The following SEZ6 variants were observed in gnomAD, a reference collection of about 807,000 sequenced individuals.
The protein encoded by SEZ6 is seizure related 6 homolog.
A neutral mutation model predicts 101.0 loss-of-function variants in SEZ6; 53 were observed. The ratio of observed to expected loss-of-function variants is 0.52; its 90% CI spans 0.42 to 0.66. The LOEUF is 0.66. SEZ6 is among the 30% of genes least tolerant of loss of function. The pLI is 0.00. For synonymous variants in SEZ6, 488 were observed against 512.2 expected (o/e 0.95, Z 0.64); for missense variants, 1,102 against 1,289.4 (o/e 0.85, Z 2.23).
At chr17:29,006,167 C>T (rs1475314407), upstream of SEZ6, 2 of 245,252 alleles carry the variant, frequency 8.2e-6, no homozygotes, top group African/African-American at 4.6e-5. Flanking sequence ...CCCGCTCCAC[C>T]GCGACTGCCC....
chr17:29,005,594 C>A lies in SEZ6; in HGVS notation c.55+221G>T, dbSNP rs2041677338. On this transcript the variant is annotated intron_variant, in intron 1 of 16. Coordinates refer to ENST00000317338, the MANE Select transcript of SEZ6 (RefSeq NM_178860.5). This position sits in a 1 kb window ranked among gnomAD's most constrained non-coding sequence, Gnocchi z 4.8. ...TTAGATCTGGGGAGATGATTAAAGA[C>A]GAGGTCTCGGCCGGGCGCGAATGGC... 6.6e-6 allele frequency among the ~76,000 whole-genome samples: 1 copy of A among 151,924 alleles called. No individual in the cohort carries two copies. The highest frequency in any genetic ancestry group is 1.5e-5 in the Non-Finnish European group (1 of 67,954).
chr17:28,956,076 T>G (rs2040873152), intron 16 of SEZ6, 82 bp from the exon 17 acceptor site: 1 of 1,597,148 alleles, frequency 6.3e-7, no homozygotes, highest in Non-Finnish European at 8.6e-7. Flanking sequence ...TGAGAGGGCT[T>G]GGCAGGACCC....
At chr17:28,958,618 G>A (rs767664792) in intron 10 of SEZ6, among the ~76,000 whole-genome samples, 14 of 151,840 alleles carry the variant, frequency 9.2e-5, no homozygotes, top group Admixed American at 2.6e-4. Flanking sequence ...GGCAAAATCC[G>A]GTCTCCACTA....
At chr17:28,969,247 G>A (rs1289080803) in intron 4 of SEZ6, among the ~76,000 whole-genome samples, 1 of 152,200 alleles carries the variant, frequency 6.6e-6, no homozygotes, top group Non-Finnish European at 1.5e-5. Flanking sequence ...GTCAAGGTGG[G>A]TGAAGCAGTT....
chr17:29,003,101 T>A (rs2041636801), intron 1 of SEZ6, among the ~76,000 whole-genome samples: 1 of 152,188 alleles, frequency 6.6e-6, no homozygotes, highest in African/African-American at 2.4e-5. Context: ...CTAGGCCACA[T>A]TCACACATGC....
intron 1 of SEZ6, among the ~76,000 whole-genome samples, chr17:29,001,649 A>T (rs560333540): frequency 6.6e-6 from 1 of 152,336 alleles, no homozygotes; most frequent in Admixed American, 6.5e-5. Flanking sequence ...GGTTCATTTG[A>T]CTTGGCTAAT....
chr17:28,970,593 A>G (rs986221420), intron 3 of SEZ6, among the ~76,000 whole-genome samples: 2 of 152,058 alleles, frequency 1.3e-5, no homozygotes, highest in African/African-American at 4.8e-5. Flanking sequence ...ATTACTCTTC[A>G]TCCCCACTGC....
rs548817464 is a variant in SEZ6 at position 28,981,712 on chromosome 17, G to A, written c.383C>T (p.Ala128Val). The A allele has an allele frequency of 1.6e-5, 25 of 1,593,884 alleles. No individual in the cohort carries two copies. Among genetic ancestry groups the A allele is most frequent in the South Asian group, 4.5e-5 (4 of 88,888 alleles). ...VFTSPTPAMA[A>V]VPTQPQSKEG... ...CTTGGACTGGGGCTGAGTGGGTACCGCAGCCATGGCTGGAGTGGGGCTGGT... is the reference window on the plus strand; with the variant it reads ...CTTGGACTGGGGCTGAGTGGGTACCACAGCCATGGCTGGAGTGGGGCTGGT... Residue 128 changes from alanine to valine, a missense_variant, in exon 2 of 17, where the codon GCG (alanine) becomes GTG (valine). Ala to Val is a moderately conservative substitution (Grantham distance 64). Around this residue, in one of 3 missense-constraint regions of SEZ6, gnomAD observed 406 missense variants for 418.6 expected, o/e 0.97. Transcript: ENST00000317338.
chr17:28,962,557 T>A (rs1342861577), intron 5 of SEZ6, among the ~76,000 whole-genome samples: 1 of 152,012 alleles, frequency 6.6e-6, no homozygotes, highest in African/African-American at 2.4e-5. Flanking sequence ...GGCAGGTGGA[T>A]CACCTGAGGT....
At chr17:28,973,861 G>C (rs1394693658) in intron 3 of SEZ6, among the ~76,000 whole-genome samples, 1 of 152,166 alleles carries the variant, frequency 6.6e-6, no homozygotes, top group Non-Finnish European at 1.5e-5. Flanking sequence ...GGGGACCTGG[G>C]GGCCAGGCAG....
In SEZ6 at chr17:28,958,106, C is replaced by T. The variant is rs1387863646; in HGVS notation, c.2143G>A (p.Glu715Lys). 6.2e-7 allele frequency: 1 copy of T among 1,605,780 alleles called. No homozygotes were observed. Among genetic ancestry groups the T allele is most frequent in the Non-Finnish European group, 8.5e-7 (1 of 1,173,122 alleles). Reference protein sequence around the residue: ...PRNDTCPELPEIPNGWKSPSQ... With the variant: ...PRNDTCPELPKIPNGWKSPSQ... Reference sequence around the variant, plus strand: ...GGGCTCTTCCAGCCATTGGGGATCTCAGGCAGCTCCGGACATGTGTCATTG... The same window carrying T: ...GGGCTCTTCCAGCCATTGGGGATCTTAGGCAGCTCCGGACATGTGTCATTG... The change falls in exon 11 of 17, where the codon GAG becomes AAG. Residue 715 changes from glutamate (E) to lysine (K), a missense_variant. Transcript: ENST00000317338.
Position 28,956,649 on chromosome 17 carries a change from C to G in SEZ6, c.2731+70G>C, listed in dbSNP as rs577931555. On this transcript the variant is annotated intron_variant, in intron 14 of 16. Coordinates refer to ENST00000317338, the MANE Select transcript of SEZ6 (RefSeq NM_178860.5). Reference sequence around the variant, plus strand: ...TCTCTGCCCTCCCTCCTTGGGAAGCCCATGACCTGGGAGCCGTGAGAACCA... The same window carrying G: ...TCTCTGCCCTCCCTCCTTGGGAAGCGCATGACCTGGGAGCCGTGAGAACCA... 19 of 1,546,728 alleles carry G rather than the reference C, an allele frequency of 1.2e-5. No homozygotes were observed. The Admixed American group carries it at 2.0e-4, about 16-fold the overall frequency.
intron 1 of SEZ6, among the ~76,000 whole-genome samples, chr17:28,995,803 A>G (rs573187056): frequency 3.3e-5 from 5 of 152,154 alleles, no homozygotes; most frequent in Non-Finnish European, 5.9e-5. Flanking sequence ...GTGGAAGGCA[A>G]TGAGCTCTAA....
chr17:28,970,272 C>CT (rs1398104771), intron 3 of SEZ6, among the ~76,000 whole-genome samples: 3 of 152,214 alleles, frequency 2.0e-5, no homozygotes, highest in African/African-American at 7.2e-5. Flanking sequence ...CTGCCCCTCC[C>CT]TGGGCTCTGT....
chr17:28,979,880 C>T (rs1402808752), intron 2 of SEZ6, 67 bp from the exon 3 acceptor site: 14 of 857,908 alleles, frequency 1.6e-5, no homozygotes, highest in South Asian at 1.2e-4. Flanking sequence ...AAGGCTGAAC[C>T]GTGTGTGTGT....
chr17:28,965,601 T>G (rs560186349), intron 4 of SEZ6, among the ~76,000 whole-genome samples: 1 of 152,322 alleles, frequency 6.6e-6, no homozygotes, highest in African/African-American at 2.4e-5. Context: ...ATTGCACCAC[T>G]GCGCTCCAGC....
At position 29,005,078 on chromosome 17, in the gene SEZ6, GGTGTGTGTGTGTGTGT is replaced by G. The variant is rs58063439; in HGVS notation, c.55+721_55+736del. 4.4e-5 allele frequency among the ~76,000 whole-genome samples: 6 copies of G among 137,676 alleles called. No individual in the cohort carries two copies. Among genetic ancestry groups the G allele is most frequent in the African/African-American group, 1.1e-4 (4 of 36,066 alleles). 90.3% of individuals were successfully genotyped at this position (137,676 alleles called of 152,430 possible). On this transcript the variant is annotated intron_variant, in intron 1 of 16. Transcript: ENST00000317338. This position sits in a 1 kb window ranked among gnomAD's most constrained non-coding sequence, Gnocchi z 4.8. ...GGAGGGAGGCAGAGCTCGGGGCAGT[GGTGTGTGTGTGTGTGT>G]GTGTGTGTGTGTGTGTGTGTGTGTA...
chr17:28,981,436 T>C lies in SEZ6; in HGVS notation c.659A>G (p.Asp220Gly), dbSNP rs771433975. 1.9e-6 allele frequency: 3 copies of C among 1,558,650 alleles called. No individual in the cohort carries two copies. The highest frequency in any genetic ancestry group is 3.9e-5 in the Admixed American group (2 of 51,642). The change falls in exon 2 of 17, where the codon GAT becomes GGT. Residue 220 changes from aspartate to glycine, a missense_variant. Asp to Gly is a moderately conservative substitution (Grantham distance 94). Coordinates refer to ENST00000317338, the MANE Select transcript of SEZ6 (RefSeq NM_178860.5). ...GGTGGTAGTGGTGGTCTCCTCATCA[T>C]CTCCTGAAGCTGTGGAGGAGGTGAT... The part of the protein sequence containing the change: ...GTITSSTASG[D>G]DEETTTTTTI...
intron 1 of SEZ6, among the ~76,000 whole-genome samples, chr17:28,995,873 A>G (rs2041530074): frequency 1.3e-5 from 2 of 152,086 alleles, no homozygotes; most frequent in East Asian, 3.9e-4. Context: ...TGGGGAGTGC[A>G]AGGACAGTAC....
Sources: gnomAD v4.1 joint callset for allele counts (sites outside exome capture counted in the v4.1 genomes callset) on GRCh38, gnomAD v4.1.1 for gene constraint, gnomAD v4.1.1 regional missense constraint, Gnocchi (gnomAD v3.1) non-coding constraint, MANE v1.5 for transcripts, NCBI Gene and HGNC (gene_info 2026-07-23, HGNC 2026-07-21) for gene names.